The following RERG variants were observed in gnomAD, a reference collection of about 807,000 sequenced individuals.
RERG encodes the protein RAS like estrogen regulated growth inhibitor, also known as ras-related and estrogen-regulated growth inhibitor.
RERG carries 25 observed loss-of-function variants against 23.2 expected under a neutral mutation model. That is an observed-to-expected ratio of 1.08 (90% CI 0.79 to 1.50). The LOEUF is 1.50. RERG is among the 40% of genes most tolerant of loss of function. RERG has a pLI of 0.00. For synonymous variants in RERG, 81 were observed against 89.1 expected (o/e 0.91, Z 0.51); for missense variants, 253 against 250.1 (o/e 1.01, Z -0.08).
chr12:15,122,715 A>G (rs192294706), intron 2 of RERG, among the ~76,000 whole-genome samples: 40 of 152,124 alleles, frequency 2.6e-4, no homozygotes, highest in Non-Finnish European at 4.7e-4. Flanking sequence ...CTTTTGTACA[A>G]TTAGCAACAT....
Position 15,107,783 on chromosome 12 carries a change from T to C in RERG, c.*1327A>G, listed in dbSNP as rs533834360. On this transcript the variant is annotated 3_prime_UTR_variant, in exon 5 of 5. Transcript: ENST00000256953. Reference sequence around the variant, plus strand: ...TATCACAAGAAAGATTACCCAAATATGACAGAATGAGAAAATTATGCTTTT... The same window carrying C: ...TATCACAAGAAAGATTACCCAAATACGACAGAATGAGAAAATTATGCTTTT... The C allele has an allele frequency of 1.3e-5, 2 of 152,514 alleles. No individual in the cohort carries two copies. The highest frequency in any genetic ancestry group is 3.8e-4 in the East Asian group (2 of 5,198). 9.4% of individuals were successfully genotyped at this position (152,514 alleles called of 1,614,324 possible).
intron 3 of RERG, among the ~76,000 whole-genome samples, chr12:15,117,286 G>T (rs1863740109): frequency 2.0e-5 from 3 of 152,016 alleles, no homozygotes; most frequent in Non-Finnish European, 4.4e-5. Context: ...AACTGGACAT[G>T]TAATTTTGAT....
At chr12:15,135,698 T>A (rs1416831215) in intron 2 of RERG, among the ~76,000 whole-genome samples, 1 of 79,974 alleles carries the variant, frequency 1.3e-5, no homozygotes, top group Non-Finnish European at 2.7e-5. Context: ...CTTGATTTGA[T>A]AAATTAGTTA....
At position 15,149,042 on chromosome 12, in the gene RERG, G is replaced by A. The variant is rs907143734; in HGVS notation, c.62-27923C>T. On this transcript the variant is annotated intron_variant, in intron 2 of 4. Transcript: ENST00000256953. ...CGCCACCACGCCCGGCTAATTTTTTGTATTCTTTAGTAGAGACGGGGTTTC... is the reference window on the plus strand; with the variant it reads ...CGCCACCACGCCCGGCTAATTTTTTATATTCTTTAGTAGAGACGGGGTTTC... Among the ~76,000 whole-genome samples, 5 of 151,082 alleles carry A rather than the reference G, an allele frequency of 3.3e-5. No homozygotes were observed. In the South Asian group the frequency reaches 6.3e-4, roughly 19 times the overall value.
At chr12:15,147,885 G>A (rs1322711804) in intron 2 of RERG, among the ~76,000 whole-genome samples, 1 of 152,164 alleles carries the variant, frequency 6.6e-6, no homozygotes, top group Admixed American at 6.5e-5. Flanking sequence ...ATTAATCCAT[G>A]TACATGAAAC....
At chr12:15,208,931 C>T (rs1032006020) in intron 2 of RERG, among the ~76,000 whole-genome samples, 2 of 148,318 alleles carry the variant, frequency 1.3e-5, no homozygotes, top group Non-Finnish European at 3.0e-5. Context: ...TGACTGCCCA[C>T]TTTACATACT....
intron 2 of RERG, among the ~76,000 whole-genome samples, chr12:15,207,431 A>G (rs957272776): frequency 4.6e-5 from 7 of 152,136 alleles, no homozygotes; most frequent in Non-Finnish European, 1.0e-4. Flanking sequence ...GCAATGGCAT[A>G]CGTTAAAAAC....
chr12:15,217,101 A>G, intron 2 of RERG: 1 of 221,696 alleles, frequency 4.5e-6, no homozygotes. Flanking sequence ...TCAAGATCTC[A>G]TACATAGAGA....
At chr12:15,127,190 G>A (rs1373774502) in intron 2 of RERG, among the ~76,000 whole-genome samples, 1 of 152,114 alleles carries the variant, frequency 6.6e-6, no homozygotes, top group Non-Finnish European at 1.5e-5. Context: ...ATTCTTGTAT[G>A]TCTTAGAAAT....
At chr12:15,199,563 C>T (rs1287255643) in intron 2 of RERG, among the ~76,000 whole-genome samples, 1 of 152,016 alleles carries the variant, frequency 6.6e-6, no homozygotes, top group Non-Finnish European at 1.5e-5. Flanking sequence ...TATTGAACCC[C>T]TTGGTATCTC....
intron 2 of RERG, among the ~76,000 whole-genome samples, chr12:15,174,573 TTCCTC>T (rs1864821371): frequency 6.6e-6 from 1 of 151,894 alleles, no homozygotes; most frequent in African/African-American, 2.4e-5. Context: ...GCTTCTTTCT[TTCCTC>T]TATTCTCACA....
chr12:15,118,999 C>T (rs77369373), intron 3 of RERG, among the ~76,000 whole-genome samples: 6,096 of 152,168 alleles, frequency 0.04, 449 homozygotes, highest in African/African-American at 0.14. Flanking sequence ...GCTCATTTCC[C>T]TTGAATCAAA....
intron 4 of RERG, among the ~76,000 whole-genome samples, chr12:15,109,807 A>G (rs1863571913): frequency 6.6e-6 from 1 of 152,208 alleles, no homozygotes; most frequent in Non-Finnish European, 1.5e-5. Flanking sequence ...AAAACTAAAA[A>G]GAAATTATAA....
At chr12:15,118,354 G>A (rs1863769164) in intron 3 of RERG, among the ~76,000 whole-genome samples, 2 of 152,032 alleles carry the variant, frequency 1.3e-5, no homozygotes, top group African/African-American at 4.8e-5. Flanking sequence ...TCAGCTTCTC[G>A]TGGAGTAACA....
intron 2 of RERG, among the ~76,000 whole-genome samples, chr12:15,183,135 T>C (rs1235454745): frequency 6.6e-6 from 1 of 152,000 alleles, no homozygotes; most frequent in Admixed American, 6.6e-5. Flanking sequence ...TCTATGCAAA[T>C]ATTATAAAAA....
intron 2 of RERG, among the ~76,000 whole-genome samples, chr12:15,181,027 C>T (rs1864916299): frequency 6.6e-6 from 1 of 152,190 alleles, no homozygotes; most frequent in African/African-American, 2.4e-5. Context: ...CCCCTCCCCT[C>T]GCTGGGGAAA....
intron 2 of RERG, among the ~76,000 whole-genome samples, chr12:15,167,856 G>T (rs1191752079): frequency 1.3e-5 from 2 of 151,964 alleles, no homozygotes; most frequent in South Asian, 2.1e-4. Flanking sequence ...GTTTTAATTG[G>T]TTTTTTGCTC....
chr12:15,177,853 T>A (rs1233511470), intron 2 of RERG, among the ~76,000 whole-genome samples: 2 of 151,196 alleles, frequency 1.3e-5, no homozygotes, highest in Non-Finnish European at 3.0e-5. Context: ...TTTTTTTTTT[T>A]TTTTTTAGCT....
chr12:15,129,659 G>C (rs977935690), intron 2 of RERG, among the ~76,000 whole-genome samples: 1 of 152,024 alleles, frequency 6.6e-6, no homozygotes, highest in African/African-American at 2.4e-5. Context: ...CAGAGAGAAG[G>C]GGCCAAGACA....
Sources: allele counts gnomAD v4.1 joint callset (sites outside exome capture counted in the v4.1 genomes callset), GRCh38; gene constraint gnomAD v4.1.1; transcripts MANE v1.5; gene names NCBI Gene and HGNC (gene_info 2026-07-23, HGNC 2026-07-21).